Variants in OTUD7A observed in about 807,000 individuals in gnomAD.
OTUD7A encodes OTU deubiquitinase 7A.
A neutral mutation model predicts 65.7 loss-of-function variants in OTUD7A; 12 were observed. That is an observed-to-expected ratio of 0.18 (90% CI 0.12 to 0.30). OTUD7A has a LOEUF of 0.30. Among genes scored for constraint, OTUD7A ranks in the 10% least tolerant of loss-of-function variants. The pLI, the probability that OTUD7A is intolerant of heterozygous loss-of-function variation, is 1.00. For missense variants in OTUD7A, 1,148 were observed against 1,304.8 expected (o/e 0.88, Z 1.85); for synonymous variants, 641 against 586.3 (o/e 1.09, Z -1.35).
At chr15:31,792,107 A>G (rs1895832986) in intron 1 of OTUD7A, among the ~76,000 whole-genome samples, 1 of 152,094 alleles carries the variant, frequency 6.6e-6, no homozygotes, top group African/African-American at 2.4e-5. Flanking sequence ...AGCCCTCCGC[A>G]TTTCTCGTCC....
chr15:31,859,530 A>G (rs1897665568), intron 1 of OTUD7A, among the ~76,000 whole-genome samples: 1 of 152,240 alleles, frequency 6.6e-6, no homozygotes, highest in African/African-American at 2.4e-5. Context: ...GATGTCTTTC[A>G]ATTTTCTGCT....
intron 3 of OTUD7A, among the ~76,000 whole-genome samples, chr15:31,619,088 T>A (rs1189308009): frequency 6.6e-6 from 1 of 152,172 alleles, no homozygotes; most frequent in Non-Finnish European, 1.5e-5. Flanking sequence ...TGGTTGTAGA[T>A]GTGTGGTATT....
chr15:31,669,375 C>A (rs954737959), intron 1 of OTUD7A, among the ~76,000 whole-genome samples: 4 of 152,096 alleles, frequency 2.6e-5, no homozygotes, highest in African/African-American at 9.7e-5. Context: ...GAGTTGTGTA[C>A]CTACGAGGAT....
intron 3 of OTUD7A, among the ~76,000 whole-genome samples, chr15:31,593,358 C>A (rs998421802): frequency 6.6e-6 from 1 of 151,894 alleles, no homozygotes; most frequent in East Asian, 1.9e-4. Context: ...AGTGGGGTCT[C>A]GGGGTCAGAG....
intron 1 of OTUD7A, among the ~76,000 whole-genome samples, chr15:31,709,636 C>T (rs1010326360): frequency 1.1e-4 from 16 of 151,864 alleles, no homozygotes; most frequent in African/African-American, 2.9e-4. Flanking sequence ...AGGCTGAGGG[C>T]GGGAAGAGAC....
In OTUD7A at chr15:31,566,760, C is replaced by T. The variant is rs1255382392; in HGVS notation, c.331+3258G>A. On this transcript the variant is annotated intron_variant, in intron 4 of 12. Coordinates refer to ENST00000307050, the MANE Select transcript of OTUD7A (RefSeq NM_001382637.1). ...AATCTGGTCATTTAAAAGTGTGTGGCACCTCCCACCCACCACTCTCTCTCT... is the reference window on the plus strand; with the variant it reads ...AATCTGGTCATTTAAAAGTGTGTGGTACCTCCCACCCACCACTCTCTCTCT... Among the ~76,000 whole-genome samples the T allele has an allele frequency of 2.0e-5, 3 of 152,246 alleles. No homozygotes were observed. The East Asian group carries it at 5.8e-4, about 29-fold the overall frequency.
At chr15:31,846,516 G>A (rs1005780879) in intron 1 of OTUD7A, among the ~76,000 whole-genome samples, 10 of 152,206 alleles carry the variant, frequency 6.6e-5, no homozygotes, top group Non-Finnish European at 1.3e-4. Flanking sequence ...AGAACGGGCA[G>A]GAACTGGTAT....
chr15:31,520,232 A>G (rs2041919225), intron 8 of OTUD7A, among the ~76,000 whole-genome samples: 1 of 152,222 alleles, frequency 6.6e-6, no homozygotes, highest in Non-Finnish European at 1.5e-5. Flanking sequence ...ATCTAATTTC[A>G]AATTGTACTA....
At chr15:31,623,116 C>T (rs534572277) in intron 3 of OTUD7A, among the ~76,000 whole-genome samples, 6 of 152,318 alleles carry the variant, frequency 3.9e-5, no homozygotes, top group African/African-American at 1.4e-4. Context: ...CCTGATCTTT[C>T]CTCTGGAAGT....
Position 31,829,333 on chromosome 15 carries a change from G to C in OTUD7A, c.-100+41174C>G, listed in dbSNP as rs897219509. Among the ~76,000 whole-genome samples the C allele has an allele frequency of 4.6e-5, 7 of 152,330 alleles. No homozygotes were observed. The East Asian group carries it at 1.4e-3, about 29-fold the overall frequency. ...CATGGTAAGGAACAGGTTCCAGACAGGGAGGCCTCCCACATTTGATCTTTC... is the reference window on the plus strand; with the variant it reads ...CATGGTAAGGAACAGGTTCCAGACACGGAGGCCTCCCACATTTGATCTTTC... On this transcript the variant is annotated intron_variant, in intron 1 of 12. Coordinates refer to ENST00000307050, the MANE Select transcript of OTUD7A (RefSeq NM_001382637.1).
chr15:31,850,104 T>G (rs1158869489), intron 1 of OTUD7A, among the ~76,000 whole-genome samples: 1 of 152,154 alleles, frequency 6.6e-6, no homozygotes. Flanking sequence ...TAAAGACACA[T>G]GCACATGTAT....
intron 3 of OTUD7A, among the ~76,000 whole-genome samples, chr15:31,611,098 C>A (rs1449805425): frequency 1.3e-5 from 2 of 152,022 alleles, no homozygotes; most frequent in South Asian, 4.1e-4. Context: ...AAAAATTCTT[C>A]AAGCTGAATG....
rs899221022 is a variant in OTUD7A at position 31,479,231 on chromosome 15, C to T, written c.*4063G>A. Reference sequence around the variant, plus strand: ...AACCGGACTCAACTAGAGCAGGGGCCGCCTCTGCAGCCCAGCGAGGATGAA... The same window carrying T: ...AACCGGACTCAACTAGAGCAGGGGCTGCCTCTGCAGCCCAGCGAGGATGAA... On this transcript the variant is annotated 3_prime_UTR_variant, in exon 13 of 13. Coordinates refer to ENST00000307050, the MANE Select transcript of OTUD7A (RefSeq NM_001382637.1). 6 of 152,224 alleles carry T rather than the reference C, an allele frequency of 3.9e-5. No individual in the cohort carries two copies. Among genetic ancestry groups the T allele is most frequent in the African/African-American group, 9.6e-5 (4 of 41,452 alleles). The allele number at this position is 152,224 out of a possible 1,614,324, so 9.4% of individuals were successfully genotyped here. A position where few individuals can be genotyped will look rare whatever the true frequency, so the allele number is the denominator to read the frequency against.
chr15:31,653,971 G>GGTT (rs1891915588), intron 3 of OTUD7A, among the ~76,000 whole-genome samples: 1 of 97,514 alleles, frequency 1.0e-5, no homozygotes, highest in Admixed American at 1.2e-4. Context: ...TTGTAAGGTG[G>GGTT]GTTAAGCTCA....
intron 3 of OTUD7A, among the ~76,000 whole-genome samples, chr15:31,617,902 A>G (rs1450067060): frequency 6.6e-6 from 1 of 151,984 alleles, no homozygotes; most frequent in Non-Finnish European, 1.5e-5. Context: ...CACATTACGC[A>G]TATCTCCTAA....
At chr15:31,856,321 T>A (rs1407173848) in intron 1 of OTUD7A, among the ~76,000 whole-genome samples, 1 of 152,168 alleles carries the variant, frequency 6.6e-6, no homozygotes, top group African/African-American at 2.4e-5. Flanking sequence ...GGGAAAGGCA[T>A]GGGGATTGAG....
intron 1 of OTUD7A, among the ~76,000 whole-genome samples, chr15:31,732,796 C>T (rs1479577684): frequency 1.3e-5 from 2 of 152,220 alleles, no homozygotes; most frequent in Non-Finnish European, 2.9e-5. Flanking sequence ...ACCTCCAAGT[C>T]CTTCTTCCAG....
intron 1 of OTUD7A, among the ~76,000 whole-genome samples, chr15:31,753,705 T>TGTGATATATAACCTGTG (rs1894715410): frequency 6.4e-5 from 5 of 78,432 alleles, no homozygotes; most frequent in African/African-American, 4.8e-4. Flanking sequence ...ATATATATTA[T>TGTGATATATAACCTGTG]ATATATATAT....
chr15:31,642,603 G>A (rs1353513785), intron 3 of OTUD7A, among the ~76,000 whole-genome samples: 1 of 148,634 alleles, frequency 6.7e-6, no homozygotes, highest in Non-Finnish European at 1.5e-5. Flanking sequence ...TTTTTTTCTT[G>A]CATAGGCTTT....
Sources: allele counts gnomAD v4.1 joint callset (sites outside exome capture counted in the v4.1 genomes callset), GRCh38; gene constraint gnomAD v4.1.1; transcripts MANE v1.5; gene names NCBI Gene and HGNC (gene_info 2026-07-23, HGNC 2026-07-21).